The following ARMH4 variants were observed in gnomAD, a reference collection of about 807,000 sequenced individuals.
ARMH4 encodes armadillo-like helical domain-containing protein 4.
In ARMH4, 49 loss-of-function variants were observed where a neutral mutation model predicts 61.9. The ratio of observed to expected loss-of-function variants is 0.79; its 90% CI spans 0.63 to 1.00. The LOEUF (loss-of-function observed/expected upper bound fraction) is 1.00. Ranked by LOEUF, ARMH4 falls within the 50% of genes least tolerant of loss-of-function variation. The pLI is 0.00. For synonymous variants in ARMH4, 368 were observed against 341.5 expected, an observed-to-expected ratio of 1.08 and a Z score of -0.85; for missense variants, 934 against 930.0, an observed-to-expected ratio of 1.00 and a Z score of -0.06.
chr14:58,081,822 G>A (rs1041671593), intron 5 of ARMH4, among the ~76,000 whole-genome samples: 1 of 151,986 alleles, frequency 6.6e-6, no homozygotes, highest in Non-Finnish European at 1.5e-5. Flanking sequence ...ATATCTTAAT[G>A]CTACAGCCTT....
At chr14:58,083,792 AGT>A (rs1171838406) in intron 5 of ARMH4, among the ~76,000 whole-genome samples, 1 of 152,240 alleles carries the variant, frequency 6.6e-6, no homozygotes, top group African/African-American at 2.4e-5. Context: ...GGAAAAAGTC[AGT>A]CTTGCATCCA....
At chr14:58,010,198 T>A (rs547513159) in intron 6 of ARMH4, among the ~76,000 whole-genome samples, 1 of 151,836 alleles carries the variant, frequency 6.6e-6, no homozygotes, top group Non-Finnish European at 1.5e-5. Context: ...CTTTAATAGA[T>A]GATGGATGGA....
chr14:58,079,968 T>C (rs929370279), intron 5 of ARMH4, among the ~76,000 whole-genome samples: 7 of 151,864 alleles, frequency 4.6e-5, no homozygotes, highest in African/African-American at 9.7e-5. Flanking sequence ...GGTGAAAGAG[T>C]TGTCAGTAAG....
At chr14:58,097,677 CTTGAT>C (rs1044921743) in intron 4 of ARMH4, among the ~76,000 whole-genome samples, 5 of 115,010 alleles carry the variant, frequency 4.3e-5, no homozygotes, top group Non-Finnish European at 9.4e-5. Context: ...TCGTCGTTTT[CTTGAT>C]TTTTTTTTTT....
intron 5 of ARMH4, among the ~76,000 whole-genome samples, chr14:58,059,721 C>G (rs1884467738): frequency 6.6e-6 from 1 of 152,118 alleles, no homozygotes; most frequent in African/African-American, 2.4e-5. Context: ...AATTAATGAC[C>G]AGCTAAGTCT....
chr14:58,041,612 A>C (rs1883706907), intron 5 of ARMH4, among the ~76,000 whole-genome samples: 1 of 152,180 alleles, frequency 6.6e-6, no homozygotes, highest in African/African-American at 2.4e-5. Context: ...CTTAAATGTA[A>C]ATGGGCTAAA....
At chr14:58,129,415 A>C (rs1264051392) in intron 4 of ARMH4, among the ~76,000 whole-genome samples, 2 of 152,214 alleles carry the variant, frequency 1.3e-5, no homozygotes, top group African/African-American at 4.8e-5. Flanking sequence ...CTAGTGAAAA[A>C]GGAAGATATT....
At chr14:58,088,091 G>A (rs1018581707) in intron 5 of ARMH4, among the ~76,000 whole-genome samples, 4 of 152,066 alleles carry the variant, frequency 2.6e-5, no homozygotes, top group African/African-American at 4.8e-5. Flanking sequence ...TATAACCTAC[G>A]TCATGCTAAA....
intron 4 of ARMH4, chr14:58,100,886 G>A (rs766288843): frequency 6.5e-6 from 1 of 152,938 alleles, no homozygotes; most frequent in Non-Finnish European, 1.5e-5. Context: ...CCAGAGTGCA[G>A]AGTGAGGCAG....
chr14:58,052,041 C>G (rs1884161194), intron 5 of ARMH4, among the ~76,000 whole-genome samples: 2 of 152,178 alleles, frequency 1.3e-5, no homozygotes, highest in African/African-American at 2.4e-5. Flanking sequence ...GCCTTCCCCT[C>G]CCTGCCCTGC....
chr14:58,139,664 G>A (rs899168358), intron 1 of ARMH4, among the ~76,000 whole-genome samples: 3 of 152,088 alleles, frequency 2.0e-5, no homozygotes, highest in Non-Finnish European at 2.9e-5. Context: ...TATTAAGTTC[G>A]TTGTTTCTTA....
chr14:58,137,807 G>A (rs1427303440), intron 2 of ARMH4, among the ~76,000 whole-genome samples, 183 bp downstream of exon 2: 3 of 150,710 alleles, frequency 2.0e-5, no homozygotes, highest in Admixed American at 6.6e-5. Flanking sequence ...AGCTGGTCTC[G>A]AACTCCTGCG....
rs192954221 is a variant in ARMH4, at chr14:58,060,928, C to T, written c.2089+35796G>A. On this transcript the variant is annotated intron_variant, in intron 5 of 7. Coordinates refer to ENST00000267485, the MANE Select transcript of ARMH4 (RefSeq NM_001001872.4). ...AATGCTTTATTCTCCTTATCTCTCA[C>T]CCCTCCAGGTCCTCTCAGCTGGAAC... is the stretch of plus-strand genomic sequence containing the variant. Among the ~76,000 whole-genome samples, 444 of 152,306 alleles carry T rather than the reference C, an allele frequency of 2.9e-3. 1 individual carries two copies. The highest frequency in any genetic ancestry group is 0.01 in the African/African-American group (421 of 41,578).
intron 5 of ARMH4, among the ~76,000 whole-genome samples, chr14:58,042,139 A>G (rs561113240): frequency 1.3e-5 from 2 of 152,298 alleles, no homozygotes; most frequent in South Asian, 2.1e-4. Context: ...TCAACAGAAT[A>G]TACATTCTTC....
intron 5 of ARMH4, among the ~76,000 whole-genome samples, chr14:58,032,696 C>T (rs947399069): frequency 4.0e-5 from 6 of 148,260 alleles, no homozygotes; most frequent in South Asian, 4.3e-4. Flanking sequence ...TGTGTGCGCG[C>T]ACCGTGCGCG....
chr14:58,150,979 C>T (rs982814565), intron 1 of ARMH4, among the ~76,000 whole-genome samples: 3 of 152,104 alleles, frequency 2.0e-5, no homozygotes, highest in African/African-American at 7.2e-5. Flanking sequence ...AGGAAATACA[C>T]CAAAATAAAG....
intron 5 of ARMH4, among the ~76,000 whole-genome samples, chr14:58,085,569 AAAGTG>A (rs1198978884): frequency 6.6e-6 from 1 of 152,146 alleles, no homozygotes; most frequent in Non-Finnish European, 1.5e-5. Context: ...CTCCAAAGGA[AAAGTG>A]ATTGCTGAAT....
intron 5 of ARMH4, among the ~76,000 whole-genome samples, chr14:58,044,975 A>T (rs962239995): frequency 6.6e-6 from 1 of 152,194 alleles, no homozygotes. Context: ...GGTGCTGGAG[A>T]GGATGTGGAG....
intron 6 of ARMH4, among the ~76,000 whole-genome samples, chr14:58,011,683 G>A (rs571162234): frequency 4.4e-4 from 67 of 151,472 alleles, no homozygotes; most frequent in African/African-American, 1.6e-3. Context: ...TCTGTAGTTG[G>A]CCATTCCAGA....
Sources: allele counts gnomAD v4.1 joint callset (sites outside exome capture counted in the v4.1 genomes callset), GRCh38; gene constraint gnomAD v4.1.1; transcripts MANE v1.5; gene names NCBI Gene and HGNC (gene_info 2026-07-23, HGNC 2026-07-21).